UNC13C: variants seen among roughly 807,000 people sequenced by gnomAD.
UNC13C encodes the protein protein unc-13 homolog C.
A neutral mutation model predicts 245.4 loss-of-function variants in UNC13C; 174 were observed. The ratio of observed to expected loss-of-function variants is 0.71; its 90% confidence interval spans 0.63 to 0.80. The LOEUF (loss-of-function observed/expected upper bound fraction) is 0.80, where lower values mean the gene tolerates loss of function less well. UNC13C is among the 30% of genes least tolerant of loss of function. The pLI is 0.00. For synonymous variants in UNC13C, 992 were observed against 895.1 expected (o/e 1.11, Z -1.93); for missense variants, 2,829 against 2,602.9 (o/e 1.09, Z -1.89).
chr15:54,296,922 A>C (rs2037451258), intron 11 of UNC13C, among the ~76,000 whole-genome samples: 1 of 152,220 alleles, frequency 6.6e-6, no homozygotes, highest in Non-Finnish European at 1.5e-5. Flanking sequence ...TTTATACCGA[A>C]CACGTACGCA....
chr15:53,995,684 C>T (rs2725597), intron 1 of UNC13C, among the ~76,000 whole-genome samples: 21,015 of 151,892 alleles, frequency 0.14, 1,509 homozygotes, highest in Middle Eastern at 0.2. Context: ...GAGAGAGGCT[C>T]CAGCAGGTCC....
At chr15:53,900,566 A>G in the UNC13C span, among the ~76,000 whole-genome samples, 1 of 152,200 alleles carries the variant, frequency 6.6e-6, no homozygotes, top group South Asian at 2.1e-4. Flanking sequence ...GGGGATTATG[A>G]ATCACTGTAG....
At chr15:54,285,981 G>A (rs928342593) in intron 10 of UNC13C, among the ~76,000 whole-genome samples, 7 of 152,044 alleles carry the variant, frequency 4.6e-5, no homozygotes, top group Middle Eastern at 3.4e-3. Context: ...CAGTTCAAGC[G>A]ATTCTCCTGC....
At chr15:54,247,176 T>G (rs1029135622) in intron 7 of UNC13C, among the ~76,000 whole-genome samples, 2 of 152,196 alleles carry the variant, frequency 1.3e-5, no homozygotes, top group African/African-American at 4.8e-5. Context: ...TTTTCATCCC[T>G]TCAATCTGAT....
At chr15:53,954,113 A>C in the UNC13C span, among the ~76,000 whole-genome samples, 1 of 152,214 alleles carries the variant, frequency 6.6e-6, no homozygotes. Context: ...TCTTGTATTC[A>C]TGGATTGTAA....
intron 30 of UNC13C, among the ~76,000 whole-genome samples, chr15:54,597,695 A>G (rs1899173015): frequency 6.6e-6 from 1 of 152,234 alleles, no homozygotes; most frequent in Admixed American, 6.5e-5. Flanking sequence ...GAGTAAATAA[A>G]TTAGTGAATA....
chr15:54,326,780 G>A (rs150585497), intron 14 of UNC13C, among the ~76,000 whole-genome samples: 188 of 152,110 alleles, frequency 1.2e-3, no homozygotes, highest in African/African-American at 4.4e-3. Context: ...AACTCAGGGA[G>A]TAGATTGTTG....
At chr15:54,311,314 T>C (rs897576758) in intron 13 of UNC13C, among the ~76,000 whole-genome samples, 1 of 151,786 alleles carries the variant, frequency 6.6e-6, no homozygotes, top group East Asian at 1.9e-4. Flanking sequence ...GTATCTTTAA[T>C]CTTTAGGTGT....
intron 19 of UNC13C, among the ~76,000 whole-genome samples, chr15:54,447,936 C>G (rs59605149): frequency 6.6e-6 from 1 of 152,198 alleles, no homozygotes; most frequent in Non-Finnish European, 1.5e-5. Context: ...CCTCTACACA[C>G]TGCTTTATAT....
intron 1 of UNC13C, among the ~76,000 whole-genome samples, chr15:53,981,744 T>C (rs370315417): frequency 1.3e-5 from 2 of 152,154 alleles, no homozygotes; most frequent in East Asian, 1.9e-4. Flanking sequence ...GTTTCACTTG[T>C]AGTCTTTTAA....
intron 19 of UNC13C, among the ~76,000 whole-genome samples, chr15:54,422,669 C>G (rs1300628130): frequency 6.6e-6 from 1 of 151,828 alleles, no homozygotes; most frequent in Non-Finnish European, 1.5e-5. Context: ...GAAGCTGTTT[C>G]CCTTCTCTTC....
At chr15:54,132,848 G>A (rs2031512763) in intron 2 of UNC13C, among the ~76,000 whole-genome samples, 2 of 152,162 alleles carry the variant, frequency 1.3e-5, no homozygotes, top group Non-Finnish European at 2.9e-5. Flanking sequence ...GAACCTCAGA[G>A]CAAAGATGTT....
chr15:54,214,348 A>T (rs182549375), intron 4 of UNC13C, among the ~76,000 whole-genome samples: 12 of 152,016 alleles, frequency 7.9e-5, no homozygotes, highest in African/African-American at 2.6e-4. Flanking sequence ...ACTGTCTATC[A>T]AAGCTAAACT....
chr15:53,920,755 C>A, the UNC13C span, among the ~76,000 whole-genome samples: 1 of 151,206 alleles, frequency 6.6e-6, no homozygotes, highest in Non-Finnish European at 1.5e-5. Context: ...AAAACATTAA[C>A]TTAGTATTTT....
chr15:53,892,064 C>T, the UNC13C span, among the ~76,000 whole-genome samples: 1 of 151,498 alleles, frequency 6.6e-6, no homozygotes, highest in African/African-American at 2.4e-5. Flanking sequence ...CCTTACACCA[C>T]CACCAGGTGG....
intron 13 of UNC13C, among the ~76,000 whole-genome samples, chr15:54,308,212 A>AT (rs1274081304): frequency 1.3e-5 from 2 of 151,602 alleles, no homozygotes; most frequent in Admixed American, 6.6e-5. Context: ...GGATTGTTTT[A>AT]TTTTTTTTGT....
intron 18 of UNC13C, among the ~76,000 whole-genome samples, chr15:54,410,428 C>G (rs1035378010): frequency 6.6e-5 from 10 of 151,734 alleles, no homozygotes; most frequent in African/African-American, 2.2e-4. Flanking sequence ...TTGGGGTCAT[C>G]ATAAAATCTT....
At chr15:54,234,302 C>A (rs1170443344) in intron 4 of UNC13C, among the ~76,000 whole-genome samples, 1 of 151,486 alleles carries the variant, frequency 6.6e-6, no homozygotes, top group African/African-American at 2.4e-5. Context: ...TGCTTTTTTT[C>A]ACTAAACATC....
intron 2 of UNC13C, among the ~76,000 whole-genome samples, chr15:54,085,610 A>T (rs1899195589): frequency 6.6e-6 from 1 of 151,918 alleles, no homozygotes; most frequent in Non-Finnish European, 1.5e-5. Flanking sequence ...ATAAAATTTT[A>T]TTTATTTATT....
Sources: allele counts gnomAD v4.1 joint callset (sites outside exome capture counted in the v4.1 genomes callset), GRCh38; gene constraint gnomAD v4.1.1; transcripts MANE v1.5; gene names NCBI Gene and HGNC (gene_info 2026-07-23, HGNC 2026-07-21).